The following LRRC37A2 variants were observed in gnomAD, a reference collection of about 807,000 sequenced individuals.
The protein encoded by LRRC37A2 is leucine rich repeat containing 37 member A2.
A neutral mutation model predicts 68.8 loss-of-function variants in LRRC37A2; 9 were observed. The ratio of observed to expected loss-of-function variants is 0.13; its 90% confidence interval spans 0.08 to 0.23. The LOEUF is 0.23. Among genes scored for constraint, LRRC37A2 ranks in the 10% least tolerant of loss-of-function variants. The probability of loss-of-function intolerance (pLI) is 1.00; values close to 1 mark genes in which losing one functional copy is unlikely to be tolerated. For synonymous variants in LRRC37A2, 63 were observed against 367.6 expected, an observed-to-expected ratio of 0.17 and a Z score of 9.48; for missense variants, 168 against 950.4, an observed-to-expected ratio of 0.18 and a Z score of 10.82.
chr17:46,862,863 C>T, the LRRC37A2 span, among the ~76,000 whole-genome samples: 2 of 152,206 alleles, frequency 1.3e-5, no homozygotes, highest in Non-Finnish European at 2.9e-5. Context: ...GGATTACAAG[C>T]GTGAGCCACT....
chr17:46,663,037 A>G, the LRRC37A2 span, among the ~76,000 whole-genome samples: 1 of 134,880 alleles, frequency 7.4e-6, no homozygotes, highest in Non-Finnish European at 1.7e-5. Flanking sequence ...GAAAACATCT[A>G]TTCTTGATAA....
the LRRC37A2 span, chr17:46,768,919 G>A: frequency 2.8e-6 from 4 of 1,440,092 alleles, no homozygotes; most frequent in South Asian, 2.7e-5. The surrounding 1 kb of genome is among the most constrained non-coding windows in gnomAD (Gnocchi z 5.0). Flanking sequence ...CTCTGTGACA[G>A]GAAGAGAACT....
At chr17:46,461,232 T>C in the LRRC37A2 span, among the ~76,000 whole-genome samples, 3 of 88,126 alleles carry the variant, frequency 3.4e-5, no homozygotes, top group Non-Finnish European at 7.5e-5. Context: ...CATAGAAATA[T>C]ATAATGGAAT....
the LRRC37A2 span, chr17:46,872,887 G>T: frequency 8.0e-7 from 1 of 1,257,160 alleles, no homozygotes; most frequent in Non-Finnish European, 1.1e-6. Context: ...AGGCCACACT[G>T]CCCTTCCTGC....
At chr17:46,877,270 G>C in the LRRC37A2 span, among the ~76,000 whole-genome samples, 2 of 152,334 alleles carry the variant, frequency 1.3e-5, 1 homozygote, top group Middle Eastern at 6.8e-3. Context: ...TGCCAGAGAT[G>C]GGGAGAAAGC....
the LRRC37A2 span, among the ~76,000 whole-genome samples, chr17:47,020,860 C>A: frequency 9.9e-5 from 14 of 141,576 alleles, no homozygotes; most frequent in African/African-American, 3.7e-4. Flanking sequence ...TAATTAAGTA[C>A]TAAAAGATAA....
At chr17:46,605,462 A>AG in the LRRC37A2 span, among the ~76,000 whole-genome samples, 1 of 150,976 alleles carries the variant, frequency 6.6e-6, no homozygotes, top group African/African-American at 2.4e-5. Context: ...AAAAAAAAAA[A>AG]AGCTGTCAGA....
the LRRC37A2 span, among the ~76,000 whole-genome samples, chr17:46,909,084 C>T: frequency 4.9e-3 from 749 of 152,360 alleles, 6 homozygotes; most frequent in African/African-American, 0.017. Flanking sequence ...ATGAGTCTCA[C>T]TCTGTCACCC....
At chr17:46,729,951 T>A in the LRRC37A2 span, among the ~76,000 whole-genome samples, 28 of 152,120 alleles carry the variant, frequency 1.8e-4, no homozygotes, top group Non-Finnish European at 3.7e-4. Flanking sequence ...GATTTTTAAA[T>A]CAGCTTTTCA....
At chr17:46,946,793 G>A in the LRRC37A2 span, among the ~76,000 whole-genome samples, 1 of 152,230 alleles carries the variant, frequency 6.6e-6, no homozygotes, top group Non-Finnish European at 1.5e-5. Context: ...AACCCAGGAG[G>A]CAGAGGTTGC....
chr17:46,883,180 C>T, the LRRC37A2 span, among the ~76,000 whole-genome samples: 1 of 151,938 alleles, frequency 6.6e-6, no homozygotes, highest in East Asian at 1.9e-4. Flanking sequence ...GACGGGGTTT[C>T]ACCACGTTAG....
At chr17:46,905,726 G>A in the LRRC37A2 span, among the ~76,000 whole-genome samples, 1 of 152,106 alleles carries the variant, frequency 6.6e-6, no homozygotes, top group East Asian at 1.9e-4. Flanking sequence ...CAGCCCCCTG[G>A]AAGACAAACA....
chr17:46,532,336 C>T (rs2053802846), intron 6 of LRRC37A2, among the ~76,000 whole-genome samples: 1 of 150,418 alleles, frequency 6.6e-6, no homozygotes, highest in Non-Finnish European at 1.5e-5. Context: ...TTTTGTCAAG[C>T]ATTTTTCCAT....
chr17:46,853,516 C>T, the LRRC37A2 span, among the ~76,000 whole-genome samples: 2 of 151,812 alleles, frequency 1.3e-5, no homozygotes, highest in African/African-American at 4.8e-5. Context: ...GGACTATAGG[C>T]GCGTGCCACC....
chr17:46,857,787 T>A, the LRRC37A2 span, among the ~76,000 whole-genome samples: 1 of 152,220 alleles, frequency 6.6e-6, no homozygotes, highest in African/African-American at 2.4e-5. Flanking sequence ...TAGTATCTCA[T>A]TGTGGTTTTA....
At chr17:46,755,722 ATTT>A in the LRRC37A2 span, 28,549 of 1,023,994 alleles carry the variant, frequency 0.028, 2 homozygotes, top group East Asian at 0.19. Context: ...GCTTTTAGTG[ATTT>A]TTTTTTTTTT....
the LRRC37A2 span, among the ~76,000 whole-genome samples, chr17:46,730,999 C>T: frequency 1.3e-5 from 2 of 152,114 alleles, no homozygotes; most frequent in African/African-American, 4.8e-5. Flanking sequence ...ATAGAGTTAC[C>T]ATATAACCCA....
chr17:46,583,441 G>A, the LRRC37A2 span, among the ~76,000 whole-genome samples: 38 of 73,546 alleles, frequency 5.2e-4, 7 homozygotes, highest in African/African-American at 7.4e-4. Context: ...GATTACAGGC[G>A]CACACCACCA....
At chr17:46,952,031 T>G in the LRRC37A2 span, among the ~76,000 whole-genome samples, 1 of 152,208 alleles carries the variant, frequency 6.6e-6, no homozygotes, top group African/African-American at 2.4e-5. Flanking sequence ...ATATATTGCA[T>G]CAGGGAGAGG....
Sources: gnomAD v4.1 joint callset for allele counts (sites outside exome capture counted in the v4.1 genomes callset) on GRCh38, gnomAD v4.1.1 for gene constraint, Gnocchi (gnomAD v3.1) non-coding constraint, MANE v1.5 for transcripts, NCBI Gene and HGNC (gene_info 2026-07-23, HGNC 2026-07-21) for gene names.